The following DIP2C variants were observed in gnomAD, a reference collection of about 807,000 sequenced individuals.
DIP2C encodes DIP2 acetate--CoA ligase C (putative).
In DIP2C, 33 loss-of-function variants were observed where a neutral mutation model predicts 192.4. The ratio of observed to expected loss-of-function variants is 0.17; its 90% confidence interval spans 0.13 to 0.23. DIP2C has a LOEUF of 0.23. Ranked by LOEUF, DIP2C falls within the 10% of genes least tolerant of loss-of-function variation. DIP2C has a pLI of 1.00. For missense variants in DIP2C, 1,537 were observed against 2,110.1 expected (o/e 0.73, Z 5.32); for synonymous variants, 979 against 864.1 (o/e 1.13, Z -2.33).
At chr10:504,198 C>T (rs1005626111) in intron 1 of DIP2C, among the ~76,000 whole-genome samples, 5 of 152,220 alleles carry the variant, frequency 3.3e-5, no homozygotes, top group Admixed American at 2.0e-4. Context: ...AGACCCACAG[C>T]GTATCAATCA....
intron 31 of DIP2C, among the ~76,000 whole-genome samples, chr10:315,630 C>T (rs1441683493): frequency 5.3e-5 from 8 of 152,192 alleles, no homozygotes; most frequent in East Asian, 1.9e-4. Context: ...CACTGACTTT[C>T]GGTGTTTGGA....
intron 1 of DIP2C, among the ~76,000 whole-genome samples, chr10:530,369 G>A (rs1323907710): frequency 6.6e-6 from 1 of 152,144 alleles, no homozygotes; most frequent in Non-Finnish European, 1.5e-5. Flanking sequence ...ATCACCTAAT[G>A]CCCATTTTGT....
At chr10:501,422 C>G (rs973529108) in intron 1 of DIP2C, among the ~76,000 whole-genome samples, 5 of 151,988 alleles carry the variant, frequency 3.3e-5, no homozygotes, top group East Asian at 1.9e-4. Flanking sequence ...TTTGCAATAC[C>G]AACTTTTATG....
At chr10:278,467 G>A (rs1429429807) in intron 36 of DIP2C, among the ~76,000 whole-genome samples, 2 of 152,224 alleles carry the variant, frequency 1.3e-5, no homozygotes, top group Non-Finnish European at 2.9e-5. Flanking sequence ...CACCTGGGCT[G>A]GCCCTTGGGT....
At position 419,099 on chromosome 10, in the gene DIP2C, C is replaced by T. The variant is rs777123216; in HGVS notation, c.705G>A (p.Lys235=). Residue 235 remains lysine (K), a synonymous_variant, in exon 6 of 37, where the codon AAG becomes AAA. Coordinates refer to ENST00000280886, the MANE Select transcript of DIP2C (RefSeq NM_014974.3). ...QGSTGSRTAP[K]YGNAELMETG... The stretch of plus-strand genomic sequence containing the variant: ...TCTCCATGAGCTCGGCGTTGCCGTA[C>T]TTGGGCGCTGTCCGGGACCCCGTGG... 2.5e-6 allele frequency: 4 copies of T among 1,614,294 alleles called. No individual in the cohort carries two copies. Among genetic ancestry groups the T allele is most frequent in the South Asian group, 2.2e-5 (2 of 91,090 alleles).
rs759046426 is a variant in DIP2C at position 348,779 on chromosome 10, A to T, written c.3110-17T>A. ...GGTCTATTCCTACACAAGGAGAGAA[A>T]CATCATCATTGAAGCAGACCACGCT... is the stretch of plus-strand genomic sequence containing the variant. On this transcript the variant is annotated splice_polypyrimidine_tract_variant and intron_variant, in intron 25 of 36. Transcript: ENST00000280886. The T allele has an allele frequency of 1.1e-5, 17 of 1,611,862 alleles. No individual in the cohort carries two copies. Among genetic ancestry groups the T allele is most frequent in the Non-Finnish European group, 1.4e-5 (16 of 1,179,488 alleles).
intron 1 of DIP2C, among the ~76,000 whole-genome samples, chr10:515,743 T>G (rs1846310054): frequency 6.6e-6 from 1 of 151,620 alleles, no homozygotes; most frequent in Non-Finnish European, 1.5e-5. Context: ...AAAATAAAAA[T>G]AAGAAAGCCT....
chr10:512,158 C>T (rs1033845106), intron 1 of DIP2C, among the ~76,000 whole-genome samples: 2 of 152,232 alleles, frequency 1.3e-5, no homozygotes, highest in Admixed American at 1.3e-4. Flanking sequence ...CTGCAGTCCA[C>T]CTATACTTCT....
chr10:350,135 G>A (rs1303428049), intron 24 of DIP2C, among the ~76,000 whole-genome samples: 1 of 152,148 alleles, frequency 6.6e-6, no homozygotes, highest in Admixed American at 6.5e-5. Flanking sequence ...CCAGGCTGGA[G>A]TGCAGTGGCA....
chr10:658,744 G>C (rs898760109), intron 1 of DIP2C, among the ~76,000 whole-genome samples: 2 of 152,168 alleles, frequency 1.3e-5, no homozygotes, highest in African/African-American at 4.8e-5. Flanking sequence ...CAATATAACA[G>C]CTTTGCACCC....
intron 1 of DIP2C, among the ~76,000 whole-genome samples, chr10:544,965 G>T (rs923057729): frequency 1.3e-5 from 2 of 151,940 alleles, no homozygotes; most frequent in African/African-American, 2.4e-5. Flanking sequence ...CTCATCTAAG[G>T]AACCATTGCT....
At chr10:541,638 C>T (rs534641088) in intron 1 of DIP2C, among the ~76,000 whole-genome samples, 3 of 150,234 alleles carry the variant, frequency 2.0e-5, no homozygotes, top group East Asian at 2.0e-4. Flanking sequence ...GACCCCACAG[C>T]GTGACCCTCC....
chr10:325,109 C>A, intron 31 of DIP2C: 1 of 362,344 alleles, frequency 2.8e-6, no homozygotes, highest in Non-Finnish European at 5.5e-6. Context: ...ACTAAAAATA[C>A]AAAAAATTAG....
At chr10:647,625 T>C (rs1219025781) in intron 1 of DIP2C, among the ~76,000 whole-genome samples, 18 of 129,986 alleles carry the variant, frequency 1.4e-4, no homozygotes, top group African/African-American at 3.6e-4. Flanking sequence ...CGACATTGGA[T>C]GGTGGGAGAG....
Position 636,641 on chromosome 10 carries a change from C to T in DIP2C, c.85+52853G>A, listed in dbSNP as rs2131910850. On this transcript the variant is annotated intron_variant, in intron 1 of 36. Transcript: ENST00000280886. The surrounding 1 kb of genome is among the most constrained non-coding windows in gnomAD (Gnocchi z 4.6). ...ATTCTCCCGAAAACGTCTTTTCTAT[C>T]TGGGCCACACACTGCGCCGAGTGAC... Among the ~76,000 whole-genome samples, 1 of 152,348 alleles carries T rather than the reference C, an allele frequency of 6.6e-6. No individual in the cohort carries two copies. Among genetic ancestry groups the T allele is most frequent in the Middle Eastern group, 3.4e-3 (1 of 294 alleles).
intron 9 of DIP2C, among the ~76,000 whole-genome samples, chr10:404,419 C>T (rs1286032435): frequency 1.3e-5 from 2 of 152,158 alleles, no homozygotes; most frequent in African/African-American, 2.4e-5. Flanking sequence ...CCATGTTGGC[C>T]AGGCTGGTCT....
intron 1 of DIP2C, among the ~76,000 whole-genome samples, chr10:532,596 TGAGA>T (rs1305035158): frequency 1.6e-5 from 2 of 128,334 alleles, no homozygotes; most frequent in Non-Finnish European, 3.3e-5. Flanking sequence ...AGTATGGGTG[TGAGA>T]GAGAGTATGG....
At chr10:366,792 A>C (rs1160723798) in intron 18 of DIP2C, among the ~76,000 whole-genome samples, 1 of 152,156 alleles carries the variant, frequency 6.6e-6, no homozygotes, top group African/African-American at 2.4e-5. Flanking sequence ...TCAAGCCTCT[A>C]ATGTCTTATG....
chr10:369,619 C>T lies in DIP2C; in HGVS notation c.2006G>A (p.Ser669Asn), dbSNP rs754081381. 7.4e-6 allele frequency: 12 copies of T among 1,614,020 alleles called. No homozygotes were observed. The highest frequency in any genetic ancestry group is 1.7e-5 in the Admixed American group (1 of 59,998). Reference sequence around the variant, plus strand: ...GACACCCCGGCCCGGGGGCTGGTTACTGTCATCCGTGGGCCTGTAATGACA... The same window carrying T: ...GACACCCCGGCCCGGGGGCTGGTTATTGTCATCCGTGGGCCTGTAATGACA... Reference protein sequence around the residue: ...TVAIRRPTDDSNQPPGRGVLS... With the variant: ...TVAIRRPTDDNNQPPGRGVLS... The change falls in exon 18 of 37, where the codon AGT (serine) becomes AAT (asparagine). Residue 669 changes from serine (S) to asparagine (N), a missense_variant. This residue lies in a region of DIP2C where 677 missense variants were observed against 989.9 expected (regional missense o/e 0.68). Transcript: ENST00000280886.
Sources: gnomAD v4.1 joint callset for allele counts (sites outside exome capture counted in the v4.1 genomes callset) on GRCh38, gnomAD v4.1.1 for gene constraint, gnomAD v4.1.1 regional missense constraint, Gnocchi (gnomAD v3.1) non-coding constraint, MANE v1.5 for transcripts, NCBI Gene and HGNC (gene_info 2026-07-23, HGNC 2026-07-21) for gene names.